The following GALNT13 variants were observed in gnomAD, a reference collection of about 807,000 sequenced individuals.
The protein encoded by GALNT13 is polypeptide N-acetylgalactosaminyltransferase 13, also known as UDP-GalNAc:polypeptide N-acetylgalactosaminyltransferase 13.
A neutral mutation model predicts 64.2 loss-of-function variants in GALNT13; 28 were observed. The observed-to-expected ratio is 0.44, with a 90% CI of 0.32 to 0.60. The LOEUF (loss-of-function observed/expected upper bound fraction) is 0.60. Among genes scored for constraint, GALNT13 ranks in the 20% least tolerant of loss-of-function variants. The pLI is 0.05. For synonymous variants in GALNT13, 214 were observed against 224.6 expected (o/e 0.95, Z 0.42); for missense variants, 577 against 669.8 (o/e 0.86, Z 1.53).
At chr2:153,135,775 G>A in the GALNT13 span, among the ~76,000 whole-genome samples, 2 of 151,976 alleles carry the variant, frequency 1.3e-5, no homozygotes, top group Non-Finnish European at 2.9e-5. Flanking sequence ...GCACTTATTA[G>A]GGTATATTTG....
intron 3 of GALNT13, among the ~76,000 whole-genome samples, chr2:154,015,466 A>C (rs1017773303): frequency 6.6e-6 from 1 of 152,118 alleles, no homozygotes; most frequent in Non-Finnish European, 1.5e-5. Context: ...TGTCTGGTAC[A>C]CTGATATTTG....
chr2:154,305,808 C>G (rs1272498522), intron 9 of GALNT13, among the ~76,000 whole-genome samples: 1 of 152,176 alleles, frequency 6.6e-6, no homozygotes, highest in African/African-American at 2.4e-5. Flanking sequence ...ATGGGCAAAC[C>G]ATCATCACTT....
chr2:154,146,867 C>A (rs759740458), intron 4 of GALNT13, among the ~76,000 whole-genome samples: 1 of 152,052 alleles, frequency 6.6e-6, no homozygotes, highest in Admixed American at 6.6e-5. Flanking sequence ...AATTTATCAC[C>A]CTTTTTTAAA....
intron 4 of GALNT13, among the ~76,000 whole-genome samples, chr2:154,208,257 A>G (rs956735000): frequency 6.6e-6 from 1 of 152,208 alleles, no homozygotes; most frequent in African/African-American, 2.4e-5. Context: ...TAAGCATAAT[A>G]TATTGTTATA....
chr2:154,415,165 A>G (rs1699956820), intron 11 of GALNT13, among the ~76,000 whole-genome samples: 1 of 151,878 alleles, frequency 6.6e-6, no homozygotes, highest in Non-Finnish European at 1.5e-5. Flanking sequence ...TACATAAAAT[A>G]TATTCATAAT....
intron 4 of GALNT13, among the ~76,000 whole-genome samples, chr2:154,173,518 G>A (rs1685481397): frequency 6.6e-6 from 1 of 151,814 alleles, no homozygotes; most frequent in Non-Finnish European, 1.5e-5. Flanking sequence ...TAAGACTTTG[G>A]AAGCTCGAGT....
chr2:154,304,716 A>C (rs779183976), intron 9 of GALNT13, among the ~76,000 whole-genome samples: 1 of 152,208 alleles, frequency 6.6e-6, no homozygotes, highest in Non-Finnish European at 1.5e-5. Context: ...CACAATAGGG[A>C]CTGTTTGTAT....
the GALNT13 span, among the ~76,000 whole-genome samples, chr2:153,160,113 C>A: frequency 1.3e-5 from 2 of 152,198 alleles, no homozygotes; most frequent in Non-Finnish European, 2.9e-5. Context: ...TTCCAACCAT[C>A]TTGTGAGGCT....
At chr2:153,266,720 G>T in the GALNT13 span, among the ~76,000 whole-genome samples, 1 of 152,094 alleles carries the variant, frequency 6.6e-6, no homozygotes, top group East Asian at 1.9e-4. Flanking sequence ...CCCTTGACAC[G>T]TGGGGATTAT....
the GALNT13 span, among the ~76,000 whole-genome samples, chr2:153,732,665 G>A: frequency 1.3e-5 from 2 of 152,030 alleles, no homozygotes; most frequent in Admixed American, 6.6e-5. Flanking sequence ...ACATATTCAT[G>A]TAAGTTGAAG....
the GALNT13 span, among the ~76,000 whole-genome samples, chr2:153,096,332 G>A: frequency 6.6e-6 from 1 of 151,930 alleles, no homozygotes. Context: ...GGAACAGAAT[G>A]TGTATTCTAC....
At chr2:153,277,407 C>G in the GALNT13 span, among the ~76,000 whole-genome samples, 1 of 152,096 alleles carries the variant, frequency 6.6e-6, no homozygotes. Context: ...CCGGCTGTGT[C>G]GTATTCTGTG....
chr2:153,296,950 C>T, the GALNT13 span, among the ~76,000 whole-genome samples: 4 of 152,252 alleles, frequency 2.6e-5, no homozygotes, highest in East Asian at 7.7e-4. Flanking sequence ...ATTTCAAATA[C>T]TTGGTGCTTT....
chr2:153,874,782 G>C (rs1686243182), intron 1 of GALNT13, among the ~76,000 whole-genome samples: 2 of 152,016 alleles, frequency 1.3e-5, no homozygotes, highest in Admixed American at 6.6e-5. Context: ...GGGGTCTTCT[G>C]CTTCTTTGTA....
the GALNT13 span, among the ~76,000 whole-genome samples, chr2:153,075,506 T>C: frequency 6.6e-6 from 1 of 152,198 alleles, no homozygotes; most frequent in Non-Finnish European, 1.5e-5. Flanking sequence ...AGCAGATTTA[T>C]TTTTAGTGGC....
the GALNT13 span, among the ~76,000 whole-genome samples, chr2:153,512,219 G>T: frequency 2.2e-3 from 330 of 152,282 alleles, 2 homozygotes; most frequent in African/African-American, 7.7e-3. Context: ...AAGGGAGGAT[G>T]ACCCTAGAGT....
intron 3 of GALNT13, among the ~76,000 whole-genome samples, chr2:154,004,157 G>A (rs1260271265): frequency 6.6e-6 from 1 of 151,802 alleles, no homozygotes; most frequent in Non-Finnish European, 1.5e-5. Flanking sequence ...ATTACTAATT[G>A]TTATTACTTT....
intron 3 of GALNT13, among the ~76,000 whole-genome samples, chr2:154,057,014 C>T (rs1699926941): frequency 1.3e-5 from 2 of 151,540 alleles, no homozygotes; most frequent in Admixed American, 6.6e-5. Context: ...TTTTTTTAAA[C>T]TTTTTATTTT....
the GALNT13 span, among the ~76,000 whole-genome samples, chr2:153,083,458 T>C: frequency 6.6e-6 from 1 of 152,206 alleles, no homozygotes; most frequent in Non-Finnish European, 1.5e-5. Flanking sequence ...TGGTATCGCA[T>C]TGTGGTTTTG....
Sources: gnomAD v4.1 joint callset for allele counts (sites outside exome capture counted in the v4.1 genomes callset) on GRCh38, gnomAD v4.1.1 for gene constraint, MANE v1.5 for transcripts, NCBI Gene and HGNC (gene_info 2026-07-23, HGNC 2026-07-21) for gene names.